Variants in RNF135 observed in about 807,000 individuals in gnomAD.
RNF135 encodes the protein E3 ubiquitin-protein ligase RNF135.
Under a neutral mutation model 41.9 loss-of-function variants are expected in RNF135, and 46 were observed. That is an observed-to-expected ratio of 1.10 (90% CI 0.87 to 1.40). RNF135 has a LOEUF of 1.40. Among genes scored for constraint, RNF135 ranks in the 40% most tolerant of loss-of-function variants. RNF135 has a pLI of 0.00. For synonymous variants in RNF135, 238 were observed against 223.8 expected, an observed-to-expected ratio of 1.06 and a Z score of -0.57; for missense variants, 539 against 549.8, an observed-to-expected ratio of 0.98 and a Z score of 0.20.
At chr17:30,967,784 C>A (rs1482807525), upstream of RNF135, among the ~76,000 whole-genome samples, 4 of 151,686 alleles carry the variant, frequency 2.6e-5, no homozygotes, top group Admixed American at 6.6e-5. Flanking sequence ...TCATGGCAAC[C>A]TTCACCTCCC....
At chr17:30,994,884 C>A (rs1421143537) in intron 3 of RNF135, among the ~76,000 whole-genome samples, 1 of 151,394 alleles carries the variant, frequency 6.6e-6, no homozygotes, top group African/African-American at 2.4e-5. Flanking sequence ...GTGATCCACC[C>A]GTCTCGGCCT....
At chr17:30,969,759 CTTTTTTT>C (rs757330088), upstream of RNF135, among the ~76,000 whole-genome samples, 114 of 122,630 alleles carry the variant, frequency 9.3e-4, 1 homozygote, top group East Asian at 4.1e-3. Flanking sequence ...TCTTTTTTTT[CTTTTTTT>C]TTTTTTTTTT....
upstream of RNF135, among the ~76,000 whole-genome samples, chr17:30,969,746 CTTTCTTTTT>C (rs1414751720): frequency 3.0e-4 from 43 of 145,340 alleles, no homozygotes; most frequent in Admixed American, 6.8e-4. Flanking sequence ...TCTTTCTTTT[CTTTCTTTTT>C]TTTCTTTTTT....
At chr17:30,977,159 A>G (rs945599136) in intron 1 of RNF135, among the ~76,000 whole-genome samples, 4 of 152,192 alleles carry the variant, frequency 2.6e-5, no homozygotes, top group African/African-American at 9.6e-5. Flanking sequence ...CTTATAACCT[A>G]TTGTTTTAAG....
the RNF135 span, among the ~76,000 whole-genome samples, chr17:30,963,515 T>G: frequency 1.3e-5 from 2 of 151,894 alleles, no homozygotes; most frequent in East Asian, 3.9e-4. Context: ...GAGGTTGCAG[T>G]GAGCCGAGAT....
chr17:30,962,564 C>T, the RNF135 span, among the ~76,000 whole-genome samples: 2 of 152,148 alleles, frequency 1.3e-5, no homozygotes, highest in African/African-American at 4.8e-5. Context: ...CTCTTGGGTT[C>T]ATGCCATTCT....
At chr17:30,963,174 C>A in the RNF135 span, among the ~76,000 whole-genome samples, 3 of 145,344 alleles carry the variant, frequency 2.1e-5, no homozygotes, top group Non-Finnish European at 3.0e-5. Flanking sequence ...ACAGATATGA[C>A]CATGGCATAC....
At chr17:30,992,236 T>C (rs1034599665) in intron 3 of RNF135, among the ~76,000 whole-genome samples, 3 of 152,120 alleles carry the variant, frequency 2.0e-5, no homozygotes, top group Non-Finnish European at 1.5e-5. Flanking sequence ...GCTCGGCCTT[T>C]ACATAATTTT....
At chr17:30,971,008 A>AGGGAGGAGCCTGAG, upstream of RNF135, 1 of 1,529,432 alleles carries the variant, frequency 6.5e-7, no homozygotes, top group Non-Finnish European at 8.7e-7. Context: ...AGGAAGGGCG[A>AGGGAGGAGCCTGAG]GGGAGGAGCC....
At chr17:30,966,699 G>A (rs2142637338), upstream of RNF135, among the ~76,000 whole-genome samples, 1 of 150,856 alleles carries the variant, frequency 6.6e-6, no homozygotes, top group South Asian at 2.1e-4. Flanking sequence ...TAGAGACGCG[G>A]TTTCACCGTG....
In RNF135 at chr17:30,998,764, G is replaced by A. The variant is rs200680125; in HGVS notation, c.872G>A (p.Arg291His). The A allele has an allele frequency of 9.5e-5, 154 of 1,612,950 alleles. No homozygotes were observed. Among genetic ancestry groups the A allele is most frequent in the Non-Finnish European group, 1.2e-4 (145 of 1,179,718 alleles). Residue 291 changes from arginine to histidine, a missense_variant, in exon 5 of 5, where the codon CGC (arginine) becomes CAC (histidine). Coordinates refer to ENST00000328381, the MANE Select transcript of RNF135 (RefSeq NM_032322.4). ...VTVSHRPQPY[R>H]WSCERFSTSQ... ...GTGTCTCACCGCCCACAACCCTATC[G>A]CTGGAGCTGTGAGAGGTTTTCTACC...
intron 2 of RNF135, among the ~76,000 whole-genome samples, chr17:30,987,497 G>T (rs1907674680): frequency 1.3e-5 from 2 of 152,152 alleles, no homozygotes; most frequent in African/African-American, 4.8e-5. Flanking sequence ...CTTCCAAAGT[G>T]CTGGGATTAC....
intron 1 of RNF135, chr17:30,975,966 C>G (rs1306454210): frequency 2.3e-6 from 1 of 441,182 alleles, no homozygotes; most frequent in Admixed American, 3.3e-5. Flanking sequence ...ATGATAAATA[C>G]AAAAAGTCAC....
chr17:30,992,638 G>T (rs1465053129), intron 3 of RNF135, among the ~76,000 whole-genome samples: 1 of 151,870 alleles, frequency 6.6e-6, no homozygotes, highest in Non-Finnish European at 1.5e-5. Context: ...GCTAATTCTT[G>T]TATTTTTGGG....
chr17:30,964,337 C>T, the RNF135 span, among the ~76,000 whole-genome samples: 24 of 134,936 alleles, frequency 1.8e-4, no homozygotes, highest in Non-Finnish European at 3.3e-4. Context: ...TGCAGTGAGC[C>T]GAGATCGTGC....
At chr17:30,966,500 C>CT (rs57567887), upstream of RNF135, among the ~76,000 whole-genome samples, 19,603 of 145,948 alleles carry the variant, frequency 0.13, 4,081 homozygotes, top group African/African-American at 0.45. Flanking sequence ...GTTTCAAATT[C>CT]TTTTTTTTGT....
intron 1 of RNF135, chr17:30,971,775 C>G (rs1397755639): frequency 1.8e-6 from 2 of 1,091,732 alleles, no homozygotes; most frequent in Non-Finnish European, 1.1e-6. Context: ...TAAAACTGGC[C>G]ATTTTAACCT....
intron 3 of RNF135, among the ~76,000 whole-genome samples, chr17:30,992,124 G>A (rs1908031757): frequency 6.6e-6 from 1 of 151,818 alleles, no homozygotes; most frequent in Admixed American, 6.6e-5. Context: ...CAGAGACAGG[G>A]TTTCCCCATG....
chr17:30,972,264 T>C (rs781750587), intron 1 of RNF135: 1 of 151,942 alleles, frequency 6.6e-6, no homozygotes, highest in Non-Finnish European at 1.5e-5. Context: ...GCCTGGCTAA[T>C]TTTTTGTATG....
Sources: gnomAD v4.1 joint callset for allele counts (sites outside exome capture counted in the v4.1 genomes callset) on GRCh38, gnomAD v4.1.1 for gene constraint, MANE v1.5 for transcripts, NCBI Gene and HGNC (gene_info 2026-07-23, HGNC 2026-07-21) for gene names.